The following ANKRD36C variants were observed in gnomAD, a reference collection of about 807,000 sequenced individuals.
ANKRD36C encodes ankyrin repeat domain-containing protein 36C.
A neutral mutation model predicts 276.4 loss-of-function variants in ANKRD36C; 61 were observed. The observed-to-expected ratio is 0.22, with a 90% CI of 0.18 to 0.27. The LOEUF (loss-of-function observed/expected upper bound fraction) is 0.27. Ranked by LOEUF, ANKRD36C falls within the 10% of genes least tolerant of loss-of-function variation. The probability of loss-of-function intolerance (pLI) is 1.00; values close to 1 mark genes in which losing one functional copy is unlikely to be tolerated. For synonymous variants in ANKRD36C, 483 were observed against 680.1 expected (o/e 0.71, Z 4.51); for missense variants, 1,447 against 2,032.3 (o/e 0.71, Z 5.54).
At chr2:95,866,930 T>C (rs1325141537) in intron 60 of ANKRD36C, among the ~76,000 whole-genome samples, 1 of 152,158 alleles carries the variant, frequency 6.6e-6, no homozygotes, top group Non-Finnish European at 1.5e-5. Context: ...AGGCACTGGC[T>C]GTGACACAGA....
chr2:95,984,120 A>G (rs1678978618), intron 3 of ANKRD36C, among the ~76,000 whole-genome samples: 1 of 152,102 alleles, frequency 6.6e-6, no homozygotes, highest in Non-Finnish European at 1.5e-5. Context: ...CGATTACCAA[A>G]GGATTTATAT....
chr2:95,941,938 G>A (rs905367576), intron 19 of ANKRD36C, among the ~76,000 whole-genome samples: 2 of 152,418 alleles, frequency 1.3e-5, no homozygotes, highest in African/African-American at 2.4e-5. Context: ...CACTGGATTG[G>A]CAATGTGAGG....
chr2:95,988,604 G>A (rs902095644), intron 1 of ANKRD36C, among the ~76,000 whole-genome samples: 2 of 152,126 alleles, frequency 1.3e-5, no homozygotes, highest in Non-Finnish European at 2.9e-5. Context: ...CATACATACA[G>A]TTGGGAAGTT....
intron 42 of ANKRD36C, among the ~76,000 whole-genome samples, chr2:95,910,859 C>A (rs190301643): frequency 3.3e-4 from 50 of 151,532 alleles, no homozygotes; most frequent in African/African-American, 9.4e-4. Flanking sequence ...GTGATGAGAA[C>A]AAATGTGATC....
chr2:95,915,476 A>G (rs1004418692), intron 38 of ANKRD36C, among the ~76,000 whole-genome samples: 48 of 151,634 alleles, frequency 3.2e-4, no homozygotes, highest in Non-Finnish European at 4.6e-4. Context: ...CAGTAACCCC[A>G]AAATTATATA....
At chr2:95,979,143 T>C (rs1678868085) in intron 5 of ANKRD36C, among the ~76,000 whole-genome samples, 1 of 152,054 alleles carries the variant, frequency 6.6e-6, no homozygotes, top group Non-Finnish European at 1.5e-5. Context: ...GTTACTTATC[T>C]CCATTCTCAG....
intron 19 of ANKRD36C, among the ~76,000 whole-genome samples, chr2:95,943,635 A>C (rs1407403782): frequency 6.6e-6 from 1 of 151,836 alleles, no homozygotes; most frequent in Admixed American, 6.6e-5. Context: ...GAAATAAATT[A>C]GTTAAGCAAC....
chr2:95,923,414 C>A, intron 32 of ANKRD36C, 81 bp downstream of exon 32: 3 of 1,523,842 alleles, frequency 2.0e-6, no homozygotes, highest in Non-Finnish European at 2.7e-6. Context: ...CTTTGATGAG[C>A]CCCCCGCTGA....
intron 6 of ANKRD36C, among the ~76,000 whole-genome samples, chr2:95,968,826 G>C (rs1056338423): frequency 1.9e-4 from 29 of 151,998 alleles, no homozygotes; most frequent in Non-Finnish European, 1.9e-4. Flanking sequence ...CCCCCTCTTT[G>C]GTTTGATTAA....
intron 63 of ANKRD36C, 28 bp downstream of exon 83, chr2:95,855,238 A>G: frequency 6.6e-7 from 1 of 1,520,288 alleles, no homozygotes; most frequent in Non-Finnish European, 8.8e-7. Context: ...AGGAAGTTTG[A>G]AAAATACTTA....
At chr2:95,946,821 C>CA (rs1368655925) in intron 17 of ANKRD36C, among the ~76,000 whole-genome samples, 2 of 151,486 alleles carry the variant, frequency 1.3e-5, no homozygotes, top group African/African-American at 4.9e-5. Context: ...AAAAACCAAA[C>CA]ACCGCATATT....
At chr2:95,910,800 T>C (rs1676894319) in intron 42 of ANKRD36C, among the ~76,000 whole-genome samples, 1 of 151,410 alleles carries the variant, frequency 6.6e-6, no homozygotes, top group Non-Finnish European at 1.5e-5. Context: ...ATTTCTCATA[T>C]GTCTAAAACT....
In ANKRD36C at chr2:95,918,125, C is replaced by T. The variant is rs184479167; in HGVS notation, c.2246-83G>A. The stretch of plus-strand genomic sequence containing the variant: ...ACATTCACACAGTGTTAGCATCAAG[C>T]TGTATCCTTCTGCCTGTACTAGTGT... On this transcript the variant is annotated intron_variant, in intron 34 of 66. Transcript: ENST00000456556. 517 of 1,539,246 alleles carry T rather than the reference C, an allele frequency of 3.4e-4. 3 individuals are homozygous for T. The African/African-American group carries it at 5.8e-3, about 17-fold the overall frequency.
intron 44 of ANKRD36C, 144 bp from the exon 65 acceptor site, chr2:95,892,004 A>G (rs1676378508): frequency 1.5e-6 from 2 of 1,367,940 alleles, no homozygotes; most frequent in African/African-American, 1.4e-5. Context: ...TCTGAGGACT[A>G]GAACATGACA....
At chr2:95,856,448 G>T (rs1312145074) in intron 62 of ANKRD36C, among the ~76,000 whole-genome samples, 1 of 151,926 alleles carries the variant, frequency 6.6e-6, no homozygotes, top group African/African-American at 2.4e-5. Flanking sequence ...GATAAAAAAA[G>T]GCTTTTACTG....
At chr2:95,956,157 A>G (rs2918868) in intron 13 of ANKRD36C, among the ~76,000 whole-genome samples, 3 of 152,192 alleles carry the variant, frequency 2.0e-5, no homozygotes, top group Admixed American at 2.0e-4. Context: ...AAATATAGTT[A>G]TCATAACATG....
Position 95,980,635 on chromosome 2 carries a change from T to C in ANKRD36C, c.731+13A>G, listed in dbSNP as rs774851023. The C allele has an allele frequency of 1.7e-4, 279 of 1,608,270 alleles. No individual in the cohort carries two copies. Among genetic ancestry groups the C allele is most frequent in the Non-Finnish European group, 2.2e-4 (256 of 1,177,210 alleles). The stretch of plus-strand genomic sequence containing the variant: ...AATTTAGTGTTCATTAGCCTTTTTA[T>C]GTAAAGACTTACACTCTGTTCTTAG... On this transcript the variant is annotated intron_variant, in intron 5 of 66. Coordinates refer to ENST00000456556, the Ensembl canonical transcript of ANKRD36C.
exon 14 of ANKRD36C, chr2:95,953,957 C>G: frequency 6.5e-7 from 1 of 1,535,894 alleles, no homozygotes; most frequent in Non-Finnish European, 8.7e-7. Flanking sequence ...CCAAAGCAAA[C>G]TCATCCTCTG....
chr2:95,893,570 T>A (rs1676440487), intron 44 of ANKRD36C: 1 of 1,562,876 alleles, frequency 6.4e-7, no homozygotes, highest in Admixed American at 1.9e-5. Context: ...TTTCTCTGGC[T>A]ATATTCAAAA....
Sources: gnomAD v4.1 joint callset for allele counts (sites outside exome capture counted in the v4.1 genomes callset) on GRCh38, gnomAD v4.1.1 for gene constraint, MANE v1.5 for transcripts, NCBI Gene and HGNC (gene_info 2026-07-23, HGNC 2026-07-21) for gene names.